Variants in KLHDC4 observed in about 807,000 individuals in gnomAD.
KLHDC4 encodes the protein kelch domain containing 4, also known as kelch domain-containing protein 4.
Under a neutral mutation model 62.4 loss-of-function variants are expected in KLHDC4, and 90 were observed. The ratio of observed to expected loss-of-function variants is 1.44; its 90% CI spans 1.22 to 1.72. KLHDC4 has a LOEUF of 1.72. Among genes scored for constraint, KLHDC4 ranks in the 40% most tolerant of loss-of-function variants. The pLI is 0.00. For synonymous variants in KLHDC4, 386 were observed against 284.4 expected (o/e 1.36, Z -3.59); for missense variants, 1,025 against 699.7 (o/e 1.47, Z -5.25).
At chr16:87,722,517 C>G (rs2038586137) in intron 7 of KLHDC4, among the ~76,000 whole-genome samples, 1 of 152,236 alleles carries the variant, frequency 6.6e-6, no homozygotes, top group African/African-American at 2.4e-5. Context: ...AGAATGCCTT[C>G]ATCTGATCAA....
chr16:87,761,807 G>A (rs1158656997), intron 2 of KLHDC4, 142 bp downstream of exon 2: 4 of 822,618 alleles, frequency 4.9e-6, no homozygotes, highest in East Asian at 5.1e-5. Context: ...CAGTTCTTCA[G>A]CAGAAAGTGA....
At chr16:87,725,785 C>T (rs1331702238) in intron 7 of KLHDC4, among the ~76,000 whole-genome samples, 1 of 152,140 alleles carries the variant, frequency 6.6e-6, no homozygotes, top group East Asian at 1.9e-4. Flanking sequence ...AGTACACGTG[C>T]AGAGCACACG....
intron 7 of KLHDC4, among the ~76,000 whole-genome samples, chr16:87,725,802 G>A (rs2039262630): frequency 1.3e-5 from 2 of 152,198 alleles, no homozygotes; most frequent in African/African-American, 4.8e-5. Context: ...CACGCCCCAA[G>A]AGCAGGAGGC....
exon 1 of KLHDC4, chr16:87,702,094 C>T (rs913930590): frequency 1.1e-5 from 5 of 456,218 alleles, no homozygotes; most frequent in African/African-American, 1.0e-4. Context: ...GAGATCAGAA[C>T]AGCCTTCGGG....
At position 87,726,001 on chromosome 16, in the gene KLHDC4, G is replaced by A. The variant is rs80236033; in HGVS notation, c.759+764C>T. On this transcript the variant is annotated intron_variant, in intron 7 of 11. Coordinates refer to ENST00000270583, the MANE Select transcript of KLHDC4 (RefSeq NM_017566.4). ...ACTGCACTGCTGACAGGGGTGTGGA[G>A]AACAGAACAGGGCCCTAACACGGCA... is the stretch of plus-strand genomic sequence containing the variant. Among the ~76,000 whole-genome samples the A allele has an allele frequency of 1.7e-3, 264 of 152,182 alleles. 2 individuals are homozygous for A. The highest frequency in any genetic ancestry group is 6.1e-3 in the African/African-American group (254 of 41,492).
chr16:87,728,666 T>A (rs2039798871), intron 6 of KLHDC4, among the ~76,000 whole-genome samples: 1 of 152,178 alleles, frequency 6.6e-6, no homozygotes, highest in African/African-American at 2.4e-5. Flanking sequence ...TGACAATTAT[T>A]TGTTTTAAAA....
chr16:87,742,019 G>T (rs532397777), intron 5 of KLHDC4, among the ~76,000 whole-genome samples: 168 of 152,242 alleles, frequency 1.1e-3, no homozygotes, highest in African/African-American at 3.7e-3. Flanking sequence ...GCCTGACACA[G>T]CAATCTTCCC....
intron 7 of KLHDC4, among the ~76,000 whole-genome samples, chr16:87,719,370 C>G (rs1460875298): frequency 6.6e-6 from 1 of 152,142 alleles, no homozygotes; most frequent in African/African-American, 2.4e-5. Flanking sequence ...AACCTTACCC[C>G]CAACCCTGTG....
In KLHDC4 at chr16:87,729,189, T is replaced by A. The variant is rs2039900405; in HGVS notation, c.599+1363A>T. The A allele has an allele frequency of 2.0e-5, 3 of 152,264 alleles. No homozygotes were observed. The South Asian group carries it at 6.2e-4, about 32-fold the overall frequency. 9.4% of individuals were successfully genotyped at this position (152,264 alleles called of 1,614,324 possible). On this transcript the variant is annotated intron_variant, in intron 6 of 11. Coordinates refer to ENST00000270583, the MANE Select transcript of KLHDC4 (RefSeq NM_017566.4). ...CACAAAATTAATGAGACTATATCAGTGAAGAAAATCTGAAACCCGGCTGGG... is the reference window on the plus strand; with the variant it reads ...CACAAAATTAATGAGACTATATCAGAGAAGAAAATCTGAAACCCGGCTGGG...
At chr16:87,727,037 C>G (rs1219778938) in intron 6 of KLHDC4, 113 bp from the exon 7 acceptor site, 4 of 1,169,640 alleles carry the variant, frequency 3.4e-6, no homozygotes, top group African/African-American at 1.6e-5. Flanking sequence ...GGGAAAAACT[C>G]AAACCATTTT....
intron 7 of KLHDC4, among the ~76,000 whole-genome samples, chr16:87,717,696 CATT>C (rs1234146171): frequency 1.3e-5 from 2 of 152,196 alleles, no homozygotes; most frequent in Non-Finnish European, 2.9e-5. Flanking sequence ...AAGGGCCTAG[CATT>C]ATTGTGAACT....
intron 4 of KLHDC4, among the ~76,000 whole-genome samples, chr16:87,752,924 C>G (rs1353268477): frequency 6.6e-6 from 1 of 152,220 alleles, no homozygotes; most frequent in Non-Finnish European, 1.5e-5. Context: ...ATCTAGGAAG[C>G]AACAACCTCC....
intron 5 of KLHDC4, among the ~76,000 whole-genome samples, chr16:87,735,292 T>C (rs1286892259): frequency 2.3e-5 from 3 of 131,728 alleles, no homozygotes; most frequent in Non-Finnish European, 3.1e-5. Context: ...ACAGCGAGAC[T>C]CCGTCTCAAA....
intron 5 of KLHDC4, among the ~76,000 whole-genome samples, chr16:87,739,222 T>C (rs1355758672): frequency 1.2e-4 from 10 of 84,418 alleles, no homozygotes; most frequent in East Asian, 8.0e-4. Flanking sequence ...CACACCAGCA[T>C]CTCATCCACA....
intron 1 of KLHDC4, chr16:87,765,038 A>T (rs1265605233): frequency 2.3e-6 from 1 of 440,014 alleles, no homozygotes; most frequent in Admixed American, 2.5e-5. Flanking sequence ...TTCCTGTCAA[A>T]TGGGAATACC....
chr16:87,702,495 G>T (rs1383575917), exon 1 of KLHDC4: 1 of 358,164 alleles, frequency 2.8e-6, no homozygotes, highest in Non-Finnish European at 5.5e-6. Context: ...ACACTTCTCC[G>T]GCAGCAACTT....
intron 1 of KLHDC4, among the ~76,000 whole-genome samples, chr16:87,764,107 G>T (rs1326671248): frequency 6.6e-6 from 1 of 152,194 alleles, no homozygotes; most frequent in Non-Finnish European, 1.5e-5. Flanking sequence ...TAATTGCCAG[G>T]ACTGTGAAAG....
intron 4 of KLHDC4, among the ~76,000 whole-genome samples, chr16:87,752,910 C>T (rs987310623): frequency 3.3e-5 from 5 of 152,194 alleles, no homozygotes; most frequent in African/African-American, 1.2e-4. Flanking sequence ...AAAAACCAGA[C>T]GAAATCTAGG....
intron 7 of KLHDC4, among the ~76,000 whole-genome samples, chr16:87,717,631 T>C (rs79325862): frequency 0.014 from 2,190 of 152,344 alleles, 56 homozygotes; most frequent in African/African-American, 0.05. Context: ...TAGTCTCTTT[T>C]TGTAACAGGT....
Sources: gnomAD v4.1 joint callset for allele counts (sites outside exome capture counted in the v4.1 genomes callset) on GRCh38, gnomAD v4.1.1 for gene constraint, MANE v1.5 for transcripts, NCBI Gene and HGNC (gene_info 2026-07-23, HGNC 2026-07-21) for gene names.